Variants in PDHX observed in about 807,000 individuals in gnomAD.
PDHX encodes the protein pyruvate dehydrogenase complex component X.
PDHX carries 33 observed loss-of-function variants against 55.3 expected under a neutral mutation model. The observed-to-expected ratio is 0.60, with a 90% confidence interval of 0.45 to 0.80. The LOEUF (loss-of-function observed/expected upper bound fraction) is 0.80. PDHX is among the 30% of genes least tolerant of loss of function. The probability of loss-of-function intolerance (pLI) is 0.00; values close to 1 mark genes in which losing one functional copy is unlikely to be tolerated. For missense variants in PDHX, 622 were observed against 619.9 expected (o/e 1.00, Z -0.04); for synonymous variants, 226 against 219.4 (o/e 1.03, Z -0.27).
chr11:34,943,953 T>C (rs1854558729), intron 2 of PDHX, among the ~76,000 whole-genome samples: 1 of 152,038 alleles, frequency 6.6e-6, no homozygotes, highest in Admixed American at 6.6e-5. Flanking sequence ...TGTCAATGGA[T>C]ATTAAGCAAG....
chr11:34,916,609 C>A (rs751771341), upstream of PDHX: 5 of 1,597,816 alleles, frequency 3.1e-6, no homozygotes, highest in Admixed American at 6.7e-5. Flanking sequence ...GGCCTTGATG[C>A]TGGACATCAG....
Position 34,995,303 on chromosome 11 carries a change from G to A in PDHX, c.*131G>A. On this transcript the variant is annotated 3_prime_UTR_variant, in exon 11 of 11. Coordinates refer to ENST00000227868, the MANE Select transcript of PDHX (RefSeq NM_003477.3). Reference sequence around the variant, plus strand: ...AAATGTTTATTTATTTAAGGTGAAAGCATTTGACCCAGGGTGTCTTCATCT... The same window carrying A: ...AAATGTTTATTTATTTAAGGTGAAAACATTTGACCCAGGGTGTCTTCATCT... 9.7e-7 allele frequency: 1 copy of A among 1,027,970 alleles called. No homozygotes were observed. The highest frequency in any genetic ancestry group is 1.5e-6 in the Non-Finnish European group (1 of 665,786). 63.7% of individuals were successfully genotyped at this position (1,027,970 alleles called of 1,614,324 possible).
chr11:34,995,273 G>A lies in PDHX; in HGVS notation c.*101G>A. 2 of 1,265,330 alleles carry A rather than the reference G, an allele frequency of 1.6e-6. No homozygotes were observed. Among genetic ancestry groups the A allele is most frequent in the Non-Finnish European group, 2.3e-6 (2 of 869,386 alleles). The allele number at this position is 1,265,330 out of a possible 1,614,324, so 78.4% of individuals were successfully genotyped here. A position where few individuals can be genotyped will look rare whatever the true frequency, so the allele number is the denominator to read the frequency against. On this transcript the variant is annotated 3_prime_UTR_variant, in exon 11 of 11. Transcript: ENST00000227868. Reference sequence around the variant, plus strand: ...ACAACTTGGTATTTAAGTATGAAGTGGATGAAATGTTTATTTATTTAAGGT... The same window carrying A: ...ACAACTTGGTATTTAAGTATGAAGTAGATGAAATGTTTATTTATTTAAGGT...
At chr11:34,975,216 T>G (rs1160269914) in intron 7 of PDHX, among the ~76,000 whole-genome samples, 1 of 152,170 alleles carries the variant, frequency 6.6e-6, no homozygotes, top group Non-Finnish European at 1.5e-5. Flanking sequence ...GGCTATTGTA[T>G]GCCTAGATTT....
intron 1 of PDHX, among the ~76,000 whole-genome samples, chr11:34,918,107 T>G (rs1331810048): frequency 6.6e-6 from 1 of 152,136 alleles, no homozygotes; most frequent in African/African-American, 2.4e-5. Flanking sequence ...TTTGAAAATG[T>G]TACAGACTCT....
chr11:34,975,154 A>G (rs1855338952), intron 7 of PDHX, among the ~76,000 whole-genome samples: 1 of 149,882 alleles, frequency 6.7e-6, no homozygotes, highest in South Asian at 2.1e-4. Flanking sequence ...TCCATTGTAT[A>G]TGATGTTTTC....
At chr11:34,994,795 CAT>C (rs1855823948) in intron 10 of PDHX, 117 bp from the exon 11 acceptor site, 1 of 1,008,928 alleles carries the variant, frequency 9.9e-7, no homozygotes, top group Non-Finnish European at 1.5e-6. Flanking sequence ...TTTCATTACT[CAT>C]ATATTTTTTT....
chr11:34,947,759 T>C (rs1460135354), intron 3 of PDHX, among the ~76,000 whole-genome samples, 153 bp downstream of exon 3: 1 of 152,266 alleles, frequency 6.6e-6, no homozygotes, highest in Non-Finnish European at 1.5e-5. Flanking sequence ...TAAAATGTTT[T>C]AGAGTTAAGG....
chr11:34,936,511 AG>A (rs1393141576), intron 2 of PDHX, among the ~76,000 whole-genome samples: 1 of 152,202 alleles, frequency 6.6e-6, no homozygotes, highest in Non-Finnish European at 1.5e-5. Context: ...TGGTCCTTGT[AG>A]AATAAATGGG....
intron 7 of PDHX, among the ~76,000 whole-genome samples, chr11:34,975,125 T>C (rs1455180263): frequency 6.6e-6 from 1 of 152,204 alleles, no homozygotes; most frequent in African/African-American, 2.4e-5. Flanking sequence ...GAATGTCTGC[T>C]GCCGTTCTTA....
At chr11:34,944,386 A>G (rs1348447864) in intron 2 of PDHX, among the ~76,000 whole-genome samples, 2 of 152,106 alleles carry the variant, frequency 1.3e-5, no homozygotes, top group Non-Finnish European at 2.9e-5. Flanking sequence ...TCCCAAAGTG[A>G]TGGGATTACA....
chr11:34,966,529 T>G, intron 5 of PDHX, 111 bp from the exon 6 acceptor site: 5 of 999,706 alleles, frequency 5.0e-6, no homozygotes, highest in African/African-American at 1.6e-5. Flanking sequence ...ATTATAACCT[T>G]GACATCTGTA....
At position 34,995,149 on chromosome 11, in the gene PDHX, G is replaced by C; in HGVS notation, c.1483G>C (p.Glu495Gln). 1 of 1,613,954 alleles carries C rather than the reference G, an allele frequency of 6.2e-7. No individual in the cohort carries two copies. Among genetic ancestry groups the C allele is most frequent in the Non-Finnish European group, 8.5e-7 (1 of 1,179,898 alleles). ...RFLKSFKANL[E>Q]NPIRLA is the part of the protein sequence containing the mutation. ...TCTTAAAAGTTTTAAAGCAAACCTA[G>C]AGAATCCTATCCGACTTGCCTAGTC... Residue 495 changes from glutamate to glutamine, a missense_variant, in exon 11 of 11, where the codon GAG (glutamate) becomes CAG (glutamine). Glu to Gln is a conservative substitution (Grantham distance 29, BLOSUM62 2). Transcript: ENST00000227868.
At chr11:34,979,437 G>A (rs1008074947) in intron 8 of PDHX, among the ~76,000 whole-genome samples, 5 of 152,042 alleles carry the variant, frequency 3.3e-5, no homozygotes, top group African/African-American at 7.2e-5. Context: ...TTTCTGTAAC[G>A]AGGCTATTTT....
intron 1 of PDHX, among the ~76,000 whole-genome samples, chr11:34,927,777 C>T (rs1050631896): frequency 3.9e-5 from 6 of 152,082 alleles, no homozygotes; most frequent in African/African-American, 1.4e-4. Flanking sequence ...TTTAACTCTC[C>T]GTAATAAGCG....
upstream of PDHX, chr11:34,916,547 A>C: frequency 6.6e-7 from 1 of 1,505,598 alleles, no homozygotes; most frequent in South Asian, 1.3e-5. Flanking sequence ...AGTCTGAGAG[A>C]CCTAAAGGCA....
At chr11:34,937,968 G>A (rs1224522520) in intron 2 of PDHX, among the ~76,000 whole-genome samples, 1 of 152,204 alleles carries the variant, frequency 6.6e-6, no homozygotes, top group Admixed American at 6.5e-5. Context: ...GGCATAACAA[G>A]CAGCAGGACT....
rs746487490 is a variant in PDHX, at chr11:34,978,123, G to A, written c.965-1G>A. ...TTTTACTAACCTTATTTTTCTTTCA[G>A]ATGACATTAAAGTATCAGTAAATGA... is the stretch of plus-strand genomic sequence containing the variant. On this transcript the variant is annotated splice_acceptor_variant, in intron 7 of 10. Coordinates refer to ENST00000227868, the MANE Select transcript of PDHX (RefSeq NM_003477.3). LOFTEE classifies it high-confidence loss of function. 2 of 1,525,452 alleles carry A rather than the reference G, an allele frequency of 1.3e-6. No homozygotes were observed. The highest frequency in any genetic ancestry group is 3.4e-5 in the Admixed American group (2 of 59,462). 94.5% of individuals were successfully genotyped at this position (1,525,452 alleles called of 1,614,324 possible). A position where few individuals can be genotyped will look rare whatever the true frequency, so the allele number is the denominator to read the frequency against.
At position 34,978,143 on chromosome 11, in the gene PDHX, A is replaced by G. The variant is rs772929171; in HGVS notation, c.984A>G (p.Val328=). The G allele has an allele frequency of 1.3e-6, 2 of 1,563,942 alleles. No individual in the cohort carries two copies. The highest frequency in any genetic ancestry group is 1.8e-6 in the Non-Finnish European group (2 of 1,134,874). ...TTTCAGATGACATTAAAGTATCAGT[A>G]AATGATTTTATCATCAAGGCAGCAG... ...DLVKDDIKVS[V]NDFIIKAAAV... The change falls in exon 8 of 11, where the codon GTA becomes GTG. Residue 328 remains valine, a synonymous_variant. Coordinates refer to ENST00000227868, the MANE Select transcript of PDHX (RefSeq NM_003477.3).
Sources: gnomAD v4.1 joint callset for allele counts (sites outside exome capture counted in the v4.1 genomes callset) on GRCh38, gnomAD v4.1.1 for gene constraint, MANE v1.5 for transcripts, NCBI Gene and HGNC (gene_info 2026-07-23, HGNC 2026-07-21) for gene names.